DLG2: variants seen among roughly 807,000 people sequenced by gnomAD.
DLG2 encodes the protein discs large MAGUK scaffold protein 2.
Under a neutral mutation model 132.5 loss-of-function variants are expected in DLG2, and 45 were observed. The ratio of observed to expected loss-of-function variants is 0.34; its 90% CI spans 0.27 to 0.44. DLG2 has a LOEUF of 0.44. Among genes scored for constraint, DLG2 ranks in the 20% least tolerant of loss-of-function variants. The pLI, the probability that DLG2 is intolerant of heterozygous loss-of-function variation, is 1.00. For missense variants in DLG2, 1,045 were observed against 1,196.9 expected, an observed-to-expected ratio of 0.87 and a Z score of 1.87; for synonymous variants, 424 against 419.6, an observed-to-expected ratio of 1.01 and a Z score of -0.13.
chr11:85,273,239 C>A (rs1477167744), intron 4 of DLG2, among the ~76,000 whole-genome samples: 2 of 152,008 alleles, frequency 1.3e-5, no homozygotes, highest in East Asian at 1.9e-4. Context: ...GCAACAAAAG[C>A]CAAAATTGAC....
chr11:85,004,481 C>CT (rs1329650998), intron 6 of DLG2, among the ~76,000 whole-genome samples: 4 of 152,092 alleles, frequency 2.6e-5, no homozygotes, highest in African/African-American at 9.7e-5. Context: ...TGATGATGGG[C>CT]TTTTTTTCGT....
At chr11:84,273,461 G>A (rs1411969766) in intron 7 of DLG2, among the ~76,000 whole-genome samples, 2 of 152,136 alleles carry the variant, frequency 1.3e-5, no homozygotes, top group African/African-American at 2.4e-5. Context: ...AGAGACAGAT[G>A]TTTTCATCGG....
intron 6 of DLG2, among the ~76,000 whole-genome samples, chr11:84,637,320 A>C (rs937074306): frequency 2.6e-5 from 4 of 152,190 alleles, no homozygotes; most frequent in African/African-American, 9.6e-5. Flanking sequence ...TGAACCCACC[A>C]CACGATGTGT....
In DLG2 at chr11:84,306,076, C is replaced by G. The variant is rs2098214659; in HGVS notation, c.520-54785G>C. Reference sequence around the variant, plus strand: ...TCACTCCTTTTCTGTTCACTAGGGACTAAGGTTAATGATAATGTTTTGTAT... The same window carrying G: ...TCACTCCTTTTCTGTTCACTAGGGAGTAAGGTTAATGATAATGTTTTGTAT... On this transcript the variant is annotated intron_variant, in intron 7 of 27. Coordinates refer to ENST00000376104, the MANE Select transcript of DLG2 (RefSeq NM_001142699.3). Among the ~76,000 whole-genome samples, 3 of 152,076 alleles carry G rather than the reference C, an allele frequency of 2.0e-5. No individual in the cohort carries two copies. In the South Asian group the frequency reaches 6.2e-4, roughly 32 times the overall value.
At chr11:84,351,589 T>A (rs1319428471) in intron 7 of DLG2, among the ~76,000 whole-genome samples, 1 of 152,228 alleles carries the variant, frequency 6.6e-6, no homozygotes, top group Non-Finnish European at 1.5e-5. Flanking sequence ...TTTGATTTAT[T>A]GATATACAGT....
chr11:83,497,426 T>C (rs1346588983), intron 21 of DLG2, among the ~76,000 whole-genome samples: 2 of 152,066 alleles, frequency 1.3e-5, no homozygotes, highest in Non-Finnish European at 2.9e-5. Flanking sequence ...TCCCATCTAC[T>C]CAGGAGGCTG....
At chr11:85,397,511 GGTATGCT>G (rs2152957096) in intron 3 of DLG2, among the ~76,000 whole-genome samples, 1 of 152,126 alleles carries the variant, frequency 6.6e-6, no homozygotes, top group South Asian at 2.1e-4. Flanking sequence ...AAGCACCATT[GGTATGCT>G]GTATTCAGGA....
intron 6 of DLG2, among the ~76,000 whole-genome samples, chr11:84,549,311 G>A (rs1277367009): frequency 6.6e-6 from 1 of 152,194 alleles, no homozygotes; most frequent in African/African-American, 2.4e-5. Context: ...TAATTTTCCA[G>A]GGATAACTGC....
intron 3 of DLG2, among the ~76,000 whole-genome samples, chr11:85,556,824 A>G (rs1174096160): frequency 6.6e-6 from 1 of 151,862 alleles, no homozygotes; most frequent in Non-Finnish European, 1.5e-5. Flanking sequence ...TCAAAGCCTC[A>G]TACAAAGTTT....
chr11:84,354,101 A>C (rs1219644949), intron 7 of DLG2, among the ~76,000 whole-genome samples: 1 of 152,160 alleles, frequency 6.6e-6, no homozygotes, highest in East Asian at 1.9e-4. Context: ...GAATTAATGA[A>C]GGTGTTGATT....
At chr11:85,528,704 T>G (rs150420966) in intron 3 of DLG2, among the ~76,000 whole-genome samples, 1 of 152,218 alleles carries the variant, frequency 6.6e-6, no homozygotes, top group African/African-American at 2.4e-5. Context: ...ATGTGACCCA[T>G]GCAATTGCAC....
chr11:84,028,122 G>A (rs1005484101), intron 11 of DLG2, among the ~76,000 whole-genome samples: 2 of 151,100 alleles, frequency 1.3e-5, no homozygotes, highest in African/African-American at 4.9e-5. Context: ...AGACCTCATT[G>A]TAAAACTATG....
At chr11:85,250,951 T>C (rs1409440333) in intron 4 of DLG2, among the ~76,000 whole-genome samples, 3 of 152,206 alleles carry the variant, frequency 2.0e-5, no homozygotes, top group South Asian at 2.1e-4. Context: ...CAGGGTGTCA[T>C]TGGAGTGGTC....
chr11:84,246,464 T>A (rs1245810885), intron 8 of DLG2, among the ~76,000 whole-genome samples: 1 of 152,162 alleles, frequency 6.6e-6, no homozygotes, highest in Non-Finnish European at 1.5e-5. Flanking sequence ...AGCACAAGAA[T>A]AGTGATGCTG....
At chr11:84,961,520 G>T (rs1270134599) in intron 6 of DLG2, among the ~76,000 whole-genome samples, 1 of 125,682 alleles carries the variant, frequency 8.0e-6, no homozygotes, top group Non-Finnish European at 1.6e-5. Context: ...CCTAAGAATT[G>T]TATCTTTGTG....
chr11:85,229,382 T>C (rs1244124869), intron 4 of DLG2, among the ~76,000 whole-genome samples: 1 of 151,948 alleles, frequency 6.6e-6, no homozygotes, highest in Non-Finnish European at 1.5e-5. Flanking sequence ...AACAAACATA[T>C]GAAAAAAAGC....
chr11:83,807,999 T>C (rs192330956), intron 17 of DLG2, among the ~76,000 whole-genome samples: 90 of 152,310 alleles, frequency 5.9e-4, no homozygotes, highest in African/African-American at 2.1e-3. Flanking sequence ...AATGTTGCTA[T>C]GTGCTTCCAA....
At chr11:85,387,192 TAATGA>T (rs1351946050) in intron 3 of DLG2, among the ~76,000 whole-genome samples, 2 of 152,176 alleles carry the variant, frequency 1.3e-5, no homozygotes, top group African/African-American at 4.8e-5. Context: ...TATCCTTTCT[TAATGA>T]AATATATTTT....
chr11:85,348,458 C>T (rs1261401071), intron 3 of DLG2, among the ~76,000 whole-genome samples: 2 of 151,694 alleles, frequency 1.3e-5, no homozygotes, highest in Non-Finnish European at 2.9e-5. Flanking sequence ...CTCCTGACCT[C>T]GTGATCCGCC....
Sources: allele counts gnomAD v4.1 joint callset (sites outside exome capture counted in the v4.1 genomes callset), GRCh38; gene constraint gnomAD v4.1.1; transcripts MANE v1.5; gene names NCBI Gene and HGNC (gene_info 2026-07-23, HGNC 2026-07-21).